The following RBM15B variants were observed in gnomAD, a reference collection of about 807,000 sequenced individuals.
RBM15B encodes RNA binding motif protein 15B, also known as putative RNA-binding protein 15B.
In RBM15B, 11 loss-of-function variants were observed where a neutral mutation model predicts 53.3. The observed-to-expected ratio is 0.21, with a 90% CI of 0.13 to 0.34. The LOEUF is 0.34. Ranked by LOEUF, RBM15B falls within the 10% of genes least tolerant of loss-of-function variation. RBM15B has a pLI of 1.00. For synonymous variants in RBM15B, 631 were observed against 540.7 expected (o/e 1.17, Z -2.32); for missense variants, 1,136 against 1,250.3 (o/e 0.91, Z 1.38).
chr3:51,391,674 GCGGGGGACGCGGCGGCAAGGCCT>G lies in RBM15B; in HGVS notation c.284_306del (p.Arg95ProfsTer35). On this transcript the variant is annotated frameshift_variant, in exon 1 of 1. Transcript: ENST00000563281. LOFTEE classifies it high-confidence loss of function. This position sits in a 1 kb window ranked among gnomAD's most constrained non-coding sequence, Gnocchi z 4.5. ...CGCTCCTCGGGCTCCGGCGCTGGCG[GCGGGGGACGCGGCGGCAAGGCCT>G]CGGGGGACCCGGGCGCCTCCGGCAT... is the stretch of plus-strand genomic sequence containing the variant. The G allele has an allele frequency of 8.2e-7, 1 of 1,214,256 alleles. No individual in the cohort carries two copies. Among genetic ancestry groups the G allele is most frequent in the Non-Finnish European group, 1.0e-6 (1 of 977,728 alleles). The allele number at this position is 1,214,256 out of a possible 1,614,324, so 75.2% of individuals were successfully genotyped here.
chr3:51,396,315 C>A lies in RBM15B; in HGVS notation c.*2243C>A. The A allele has an allele frequency of 5.6e-6, 1 of 179,282 alleles. No individual in the cohort carries two copies. The highest frequency in any genetic ancestry group is 1.3e-5 in the Non-Finnish European group (1 of 76,384). 11.1% of individuals were successfully genotyped at this position (179,282 alleles called of 1,614,324 possible). On this transcript the variant is annotated 3_prime_UTR_variant, in exon 1 of 1. Coordinates refer to ENST00000563281, the MANE Select transcript of RBM15B (RefSeq NM_013286.5). ...TGTCCCATGGCCCCAAAAAGAACTG[C>A]CAAGTTTTGGTGAGGAGTAACACCC...
Position 51,396,123 on chromosome 3 carries a change from T to C in RBM15B, c.*2051T>C, listed in dbSNP as rs1553622866. 1 of 406,840 alleles carries C rather than the reference T, an allele frequency of 2.5e-6. No individual in the cohort carries two copies. Among genetic ancestry groups the C allele is most frequent in the Non-Finnish European group, 4.5e-6 (1 of 222,544 alleles). 25.2% of individuals were successfully genotyped at this position (406,840 alleles called of 1,614,324 possible). A position where few individuals can be genotyped will look rare whatever the true frequency, so the allele number is the denominator to read the frequency against. ...GTATGTTGTTAAGTCCAAAACTTCT[T>C]CTCTGGGCTACCTATCTTCCTTCAT... is the stretch of plus-strand genomic sequence containing the variant. On this transcript the variant is annotated 3_prime_UTR_variant, in exon 1 of 1. Transcript: ENST00000563281.
At position 51,391,447 on chromosome 3, in the gene RBM15B, G is replaced by C; in HGVS notation, c.48G>C (p.Ser16=). ...ACTCTAGCCCGAGCGGGCGCGGCTC[G>C]TCATCGTCCGCCAAGCGTCCGCGGG... ...ERDSSPSGRG[S]SSSAKRPRER... Residue 16 remains serine, a synonymous_variant, in exon 1 of 1, where the codon TCG becomes TCC. Transcript: ENST00000563281. The surrounding 1 kb of genome is among the most constrained non-coding windows in gnomAD (Gnocchi z 4.5). 7.9e-7 allele frequency: 1 copy of C among 1,269,226 alleles called. No individual in the cohort carries two copies. Among genetic ancestry groups the C allele is most frequent in the Non-Finnish European group, 1.0e-6 (1 of 1,004,618 alleles). 78.6% of individuals were successfully genotyped at this position (1,269,226 alleles called of 1,614,324 possible). A position where few individuals can be genotyped will look rare whatever the true frequency, so the allele number is the denominator to read the frequency against.
chr3:51,394,985 G>C lies in RBM15B; in HGVS notation c.*913G>C, dbSNP rs1482865088. ...CCGGGAGTCCAAATACTGGAATGGA[G>C]GGTTGGAGGCAGCCTTCCTTGGATT... On this transcript the variant is annotated 3_prime_UTR_variant, in exon 1 of 1. Coordinates refer to ENST00000563281, the MANE Select transcript of RBM15B (RefSeq NM_013286.5). The C allele has an allele frequency of 6.0e-6, 1 of 167,230 alleles. No individual in the cohort carries two copies. The highest frequency in any genetic ancestry group is 2.1e-4 in the South Asian group (1 of 4,822). 10.4% of individuals were successfully genotyped at this position (167,230 alleles called of 1,614,324 possible). A position where few individuals can be genotyped will look rare whatever the true frequency, so the allele number is the denominator to read the frequency against.
In RBM15B at chr3:51,391,598, C is replaced by T; in HGVS notation, c.199C>T (p.His67Tyr). The part of the protein sequence containing the change: ...PRGSGSGGGG[H>Y]RDGRGTGDAN... The stretch of plus-strand genomic sequence containing the variant: ...CGGCAGCGGAAGCGGCGGGGGCGGG[C>T]ATCGCGACGGCCGCGGCACCGGGGA... The change falls in exon 1 of 1, where the codon CAT (histidine) becomes TAT (tyrosine). Residue 67 changes from histidine to tyrosine, a missense_variant. By Grantham distance (83) the His-to-Tyr change is moderately conservative (BLOSUM62 2). Around this residue, in one of 7 missense-constraint regions of RBM15B, gnomAD observed 257 missense variants for 261.1 expected, o/e 0.98. Coordinates refer to ENST00000563281, the MANE Select transcript of RBM15B (RefSeq NM_013286.5). The surrounding 1 kb of genome is among the most constrained non-coding windows in gnomAD (Gnocchi z 4.5). The T allele has an allele frequency of 1.7e-6, 2 of 1,179,258 alleles. No individual in the cohort carries two copies. The highest frequency in any genetic ancestry group is 8.4e-5 in the South Asian group (2 of 23,946). The allele number at this position is 1,179,258 out of a possible 1,614,324, so 73.0% of individuals were successfully genotyped here. A position where few individuals can be genotyped will look rare whatever the true frequency, so the allele number is the denominator to read the frequency against.
In RBM15B at chr3:51,392,963, A is replaced by C; in HGVS notation, c.1564A>C (p.Asn522His). ...CACAGATGGATACACCCGGCACCGC[A>C]ACCTGGACGCCGACCTGGTGCGGGA... Reference protein sequence around the residue: ...LLTDGYTRHRNLDADLVRDRT... With the variant: ...LLTDGYTRHRHLDADLVRDRT... Residue 522 changes from asparagine (N) to histidine (H), a missense_variant, in exon 1 of 1, where the codon AAC becomes CAC. Physicochemically the swap from Asn to His is moderately conservative, Grantham distance 68. Transcript: ENST00000563281. The surrounding 1 kb of genome is among the most constrained non-coding windows in gnomAD (Gnocchi z 7.5). 1 of 1,613,756 alleles carries C rather than the reference A, an allele frequency of 6.2e-7. No individual in the cohort carries two copies. The highest frequency in any genetic ancestry group is 8.5e-7 in the Non-Finnish European group (1 of 1,179,990).
chr3:51,391,797 C>T lies in RBM15B; in HGVS notation c.398C>T (p.Ala133Val), dbSNP rs2089041882. The T allele has an allele frequency of 1.3e-6, 2 of 1,593,286 alleles. No homozygotes were observed. Among genetic ancestry groups the T allele is most frequent in the Non-Finnish European group, 1.7e-6 (2 of 1,176,948 alleles). Reference protein sequence around the residue: ...GAEPACPGSSAAAPEYKTLLI... With the variant: ...GAEPACPGSSVAAPEYKTLLI... ...GAGCCCGCGTGTCCCGGCTCATCCG[C>T]GGCCGCGCCTGAGTACAAGACGTTG... The change falls in exon 1 of 1, where the codon GCG becomes GTG. Residue 133 changes from alanine (A) to valine (V), a missense_variant. Transcript: ENST00000563281. The surrounding 1 kb of genome is among the most constrained non-coding windows in gnomAD (Gnocchi z 4.5).
Position 51,395,797 on chromosome 3 carries a change from CT to C in RBM15B, c.*1726del, listed in dbSNP as rs1464803435. ...CACTTGGCAGTGCTCTCGTAGACCC[CT>C]CGGTGATGTGGAATGGACAGGTGCC... On this transcript the variant is annotated 3_prime_UTR_variant, in exon 1 of 1. Transcript: ENST00000563281. 1.5e-5 allele frequency: 6 copies of C among 413,402 alleles called. No homozygotes were observed. In the Admixed American group the frequency reaches 2.6e-4, roughly 18 times the overall value. The allele number at this position is 413,402 out of a possible 1,614,324, so 25.6% of individuals were successfully genotyped here.
Position 51,397,681 on chromosome 3 carries a change from C to A in RBM15B, c.*3609C>A. 1 of 161,282 alleles carries A rather than the reference C, an allele frequency of 6.2e-6. No individual in the cohort carries two copies. 10.0% of individuals were successfully genotyped at this position (161,282 alleles called of 1,614,324 possible). ...CCATGAGAGAGCTACACGGCAGGGGCAGACACTGTGAGTATAAGCTACTTT... is the reference window on the plus strand; with the variant it reads ...CCATGAGAGAGCTACACGGCAGGGGAAGACACTGTGAGTATAAGCTACTTT... On this transcript the variant is annotated 3_prime_UTR_variant, in exon 1 of 1. Coordinates refer to ENST00000563281, the MANE Select transcript of RBM15B (RefSeq NM_013286.5).
rs782299770 is a variant in RBM15B at position 51,394,156 on chromosome 3, T to G, written c.*84T>G. On this transcript the variant is annotated 3_prime_UTR_variant, in exon 1 of 1. Coordinates refer to ENST00000563281, the MANE Select transcript of RBM15B (RefSeq NM_013286.5). ...TGATCCCCTCTCTACCCTACCACTT[T>G]GGTTTGAATTATCTCCTGGGTTATT... 12 of 1,304,718 alleles carry G rather than the reference T, an allele frequency of 9.2e-6. No individual in the cohort carries two copies. The highest frequency in any genetic ancestry group is 1.2e-5 in the Non-Finnish European group (12 of 1,017,602). 80.8% of individuals were successfully genotyped at this position (1,304,718 alleles called of 1,614,324 possible).
At position 51,393,514 on chromosome 3, in the gene RBM15B, C is replaced by T; in HGVS notation, c.2115C>T (p.Thr705=). Residue 705 remains threonine, a synonymous_variant, in exon 1 of 1, where the codon ACC becomes ACT. Coordinates refer to ENST00000563281, the MANE Select transcript of RBM15B (RefSeq NM_013286.5). The surrounding 1 kb of genome is among the most constrained non-coding windows in gnomAD (Gnocchi z 5.6). ...PKPLEEPKHE[T]KKLKNLSEYA... ...CTCTGGAAGAGCCAAAACACGAGAC[C>T]AAAAAGCTGAAGAATCTTTCAGAGT... 1 of 1,614,122 alleles carries T rather than the reference C, an allele frequency of 6.2e-7. No individual in the cohort carries two copies. The highest frequency in any genetic ancestry group is 8.5e-7 in the Non-Finnish European group (1 of 1,180,016).
chr3:51,392,083 A>C lies in RBM15B; in HGVS notation c.684A>C (p.Arg228=). 6.4e-7 allele frequency: 1 copy of C among 1,555,476 alleles called. No individual in the cohort carries two copies. Among genetic ancestry groups the C allele is most frequent in the Non-Finnish European group, 8.6e-7 (1 of 1,159,268 alleles). The change falls in exon 1 of 1, where the codon CGA becomes CGC. Residue 228 remains arginine (R), a synonymous_variant. Coordinates refer to ENST00000563281, the MANE Select transcript of RBM15B (RefSeq NM_013286.5). This position sits in a 1 kb window ranked among gnomAD's most constrained non-coding sequence, Gnocchi z 7.5. The part of the protein sequence containing the change: ...YLRGGGGSSR[R]SSSSSAAAST... ...GTGGCGGCGGCGGGAGCAGTCGGCG[A>C]AGTAGCAGCAGCAGCGCCGCCGCTT...
rs373788838 is a variant in RBM15B, at chr3:51,392,892, C to T, written c.1493C>T (p.Pro498Leu). 79 of 1,613,818 alleles carry T rather than the reference C, an allele frequency of 4.9e-5. No homozygotes were observed. Among genetic ancestry groups the T allele is most frequent in the Non-Finnish European group, 6.4e-5 (75 of 1,180,026 alleles). Residue 498 changes from proline to leucine, a missense_variant, in exon 1 of 1, where the codon CCC becomes CTC. Around this residue, in one of 7 missense-constraint regions of RBM15B, gnomAD observed 578 missense variants for 581.6 expected, o/e 0.99. Coordinates refer to ENST00000563281, the MANE Select transcript of RBM15B (RefSeq NM_013286.5). This position sits in a 1 kb window ranked among gnomAD's most constrained non-coding sequence, Gnocchi z 7.5. ...GCCAAAGCAGAGGAGACTCGGTACCCCCAGCAGTACCAGCCCTCGCCACTC... is the reference window on the plus strand; with the variant it reads ...GCCAAAGCAGAGGAGACTCGGTACCTCCAGCAGTACCAGCCCTCGCCACTC... ...DFAKAEETRY[P>L]QQYQPSPLPV...
Position 51,393,031 on chromosome 3 carries a change from T to G in RBM15B, c.1632T>G (p.Thr544=). The change falls in exon 1 of 1, where the codon ACT becomes ACG. Residue 544 remains threonine (T), a synonymous_variant. Coordinates refer to ENST00000563281, the MANE Select transcript of RBM15B (RefSeq NM_013286.5). This position sits in a 1 kb window ranked among gnomAD's most constrained non-coding sequence, Gnocchi z 5.6. The part of the protein sequence containing the change: ...PHLLYSDRDR[T]FLEGDWTSPS... ...TTCTGTACTCAGACCGAGACCGGAC[T>G]TTTTTGGAAGGGGACTGGACCAGCC... 1.2e-6 allele frequency: 2 copies of G among 1,613,746 alleles called. No homozygotes were observed. The highest frequency in any genetic ancestry group is 1.7e-6 in the Non-Finnish European group (2 of 1,179,988).
chr3:51,392,003 G>T lies in RBM15B; in HGVS notation c.604G>T (p.Ala202Ser). 6.3e-7 allele frequency: 1 copy of T among 1,598,494 alleles called. No individual in the cohort carries two copies. Residue 202 changes from alanine (A) to serine (S), a missense_variant, in exon 1 of 1, where the codon GCC becomes TCC. Physicochemically the swap from Ala to Ser is moderately conservative, Grantham distance 99 (BLOSUM62 1). Around this residue, in one of 7 missense-constraint regions of RBM15B, gnomAD observed 204 missense variants for 196.8 expected, o/e 1.04. Coordinates refer to ENST00000563281, the MANE Select transcript of RBM15B (RefSeq NM_013286.5). The surrounding 1 kb of genome is among the most constrained non-coding windows in gnomAD (Gnocchi z 7.5). Reference protein sequence around the residue: ...DAREARQHALARQLLLYDRPL... With the variant: ...DAREARQHALSRQLLLYDRPL... The stretch of plus-strand genomic sequence containing the variant: ...ACGCGAGGCCCGCCAGCACGCCCTG[G>T]CCCGGCAGCTGCTGCTCTACGACCG...
In RBM15B at chr3:51,393,746, A is replaced by T. The variant is rs1553622059; in HGVS notation, c.2347A>T (p.Ile783Phe). 6.2e-7 allele frequency: 1 copy of T among 1,613,844 alleles called. No homozygotes were observed. Among genetic ancestry groups the T allele is most frequent in the Admixed American group, 1.7e-5 (1 of 60,018 alleles). Residue 783 changes from isoleucine (I) to phenylalanine (F), a missense_variant, in exon 1 of 1, where the codon ATC (isoleucine) becomes TTC (phenylalanine). By Grantham distance (21) the Ile-to-Phe change is conservative. Coordinates refer to ENST00000563281, the MANE Select transcript of RBM15B (RefSeq NM_013286.5). This position sits in a 1 kb window ranked among gnomAD's most constrained non-coding sequence, Gnocchi z 5.6. ...CAAGCTTGACGAGGTCACACGACGC[A>T]TCAAGCAGGGGAGCCCCAACGGCTA... Reference protein sequence around the residue: ...QPKLDEVTRRIKQGSPNGYAV... With the variant: ...QPKLDEVTRRFKQGSPNGYAV...
In RBM15B at chr3:51,393,979, C is replaced by G; in HGVS notation, c.2580C>G (p.Asp860Glu). The change falls in exon 1 of 1, where the codon GAC (aspartate) becomes GAG (glutamate). Residue 860 changes from aspartate to glutamate, a missense_variant. Physicochemically the swap from Asp to Glu is conservative, Grantham distance 45. Transcript: ENST00000563281. The surrounding 1 kb of genome is among the most constrained non-coding windows in gnomAD (Gnocchi z 5.6). ...TGCTCTACGCCTTCCCACCCTGCGACTTTTCCCAGCAGTACCTCCAGTCAG... is the reference window on the plus strand; with the variant it reads ...TGCTCTACGCCTTCCCACCCTGCGAGTTTTCCCAGCAGTACCTCCAGTCAG... ...TGMLYAFPPC[D>E]FSQQYLQSAL... The G allele has an allele frequency of 6.6e-7, 1 of 1,513,588 alleles. No individual in the cohort carries two copies. Among genetic ancestry groups the G allele is most frequent in the Non-Finnish European group, 8.8e-7 (1 of 1,131,712 alleles). The allele number at this position is 1,513,588 out of a possible 1,614,324, so 93.8% of individuals were successfully genotyped here.
rs1205918632 is a variant in RBM15B, at chr3:51,394,639, A to G, written c.*567A>G. ...CACAAGCCTGAGTAGAGCCCATGCA[A>G]AGGAAGGGATGGGGTGAGCGCAAGG... On this transcript the variant is annotated 3_prime_UTR_variant, in exon 1 of 1. Transcript: ENST00000563281. 1 of 167,076 alleles carries G rather than the reference A, an allele frequency of 6.0e-6. No individual in the cohort carries two copies. Among genetic ancestry groups the G allele is most frequent in the African/African-American group, 2.4e-5 (1 of 41,440 alleles). The allele number at this position is 167,076 out of a possible 1,614,324, so 10.3% of individuals were successfully genotyped here.
Position 51,392,677 on chromosome 3 carries a change from A to G in RBM15B, c.1278A>G (p.Gly426=). The change falls in exon 1 of 1, where the codon GGA becomes GGG. Residue 426 remains glycine (G), a synonymous_variant. Coordinates refer to ENST00000563281, the MANE Select transcript of RBM15B (RefSeq NM_013286.5). The surrounding 1 kb of genome is among the most constrained non-coding windows in gnomAD (Gnocchi z 7.5). The part of the protein sequence containing the change: ...PTTRLWVGGL[G]PNTSLAALAR... ...CTCGTCTCTGGGTGGGTGGCCTGGG[A>G]CCTAACACGTCACTGGCGGCTCTGG... is the stretch of plus-strand genomic sequence containing the variant. 2 of 1,614,158 alleles carry G rather than the reference A, an allele frequency of 1.2e-6. No individual in the cohort carries two copies. Among genetic ancestry groups the G allele is most frequent in the Non-Finnish European group, 1.7e-6 (2 of 1,180,020 alleles).
Sources: allele counts gnomAD v4.1 joint callset, GRCh38; gene constraint gnomAD v4.1.1; regional missense constraint gnomAD v4.1.1; non-coding constraint Gnocchi (gnomAD v3.1); transcripts MANE v1.5; gene names NCBI Gene and HGNC (gene_info 2026-07-23, HGNC 2026-07-21).